AMDHD2: variants seen among roughly 807,000 people sequenced by gnomAD.
AMDHD2 encodes N-acetylglucosamine-6-phosphate deacetylase.
In AMDHD2, 24 loss-of-function variants were observed where a neutral mutation model predicts 41.8. That is an observed-to-expected ratio of 0.57 (90% CI 0.42 to 0.81). The LOEUF (loss-of-function observed/expected upper bound fraction) is 0.81. AMDHD2 is among the 30% of genes least tolerant of loss of function. AMDHD2 has a pLI of 0.00. For synonymous variants in AMDHD2, 332 were observed against 255.5 expected, an observed-to-expected ratio of 1.30 and a Z score of -2.85; for missense variants, 540 against 588.5, an observed-to-expected ratio of 0.92 and a Z score of 0.85.
chr16:2,522,376 C>T (rs1255998746), intron 3 of AMDHD2, among the ~76,000 whole-genome samples: 3 of 152,140 alleles, frequency 2.0e-5, no homozygotes, highest in East Asian at 1.9e-4. Context: ...TGCCACCACA[C>T]CCGACTAATT....
rs1231013156 is a variant in AMDHD2, at chr16:2,520,918, G to T, written c.220+13G>T. ...GTGCAGATCAACGGTGCGGCCCGGGGCCGGCAGGGGAACCCAGGGGAGGAG... is the reference window on the plus strand; with the variant it reads ...GTGCAGATCAACGGTGCGGCCCGGGTCCGGCAGGGGAACCCAGGGGAGGAG... On this transcript the variant is annotated intron_variant, in intron 2 of 10. Coordinates refer to ENST00000293971, the MANE Select transcript of AMDHD2 (RefSeq NM_001330449.2). 1 of 1,598,762 alleles carries T rather than the reference G, an allele frequency of 6.3e-7. No homozygotes were observed. The highest frequency in any genetic ancestry group is 1.7e-5 in the Admixed American group (1 of 58,864).
intron 1 of AMDHD2, 58 bp from the exon 2 acceptor site, chr16:2,520,711 C>G: frequency 7.0e-7 from 1 of 1,431,620 alleles, no homozygotes; most frequent in Non-Finnish European, 9.1e-7. Context: ...GGGCGGGGTG[C>G]AGGGTGCGGG....
At chr16:2,526,485 T>C (rs1013144550) in intron 3 of AMDHD2, among the ~76,000 whole-genome samples, 1 of 152,134 alleles carries the variant, frequency 6.6e-6, no homozygotes, top group African/African-American at 2.4e-5. Context: ...ACCCTACTTC[T>C]CAAGGCACCA....
intron 3 of AMDHD2, among the ~76,000 whole-genome samples, chr16:2,521,974 C>G (rs188403023): frequency 1.7e-3 from 264 of 151,874 alleles, no homozygotes; most frequent in African/African-American, 6.2e-3. Context: ...TTCGTAGAGA[C>G]GGGGTTTCAC....
chr16:2,520,555 G>A lies in AMDHD2; in HGVS notation c.83+14G>A. On this transcript the variant is annotated intron_variant, in intron 1 of 10. Coordinates refer to ENST00000293971, the MANE Select transcript of AMDHD2 (RefSeq NM_001330449.2). ...GAAACTGCTCAGGTGGGCGCGGGCC[G>A]GGGACTGCGGGGCTGGGGACCGGGC... 1 of 1,229,512 alleles carries A rather than the reference G, an allele frequency of 8.1e-7. No individual in the cohort carries two copies. The highest frequency in any genetic ancestry group is 1.0e-6 in the Non-Finnish European group (1 of 980,264). 76.2% of individuals were successfully genotyped at this position (1,229,512 alleles called of 1,614,324 possible).
At chr16:2,522,134 A>C (rs1054439570) in intron 3 of AMDHD2, among the ~76,000 whole-genome samples, 1 of 151,882 alleles carries the variant, frequency 6.6e-6, no homozygotes, top group African/African-American at 2.4e-5. Context: ...CCCAGGTTGG[A>C]GTAGAGTGGT....
chr16:2,522,339 C>A (rs955531601), intron 3 of AMDHD2, among the ~76,000 whole-genome samples: 3 of 152,186 alleles, frequency 2.0e-5, no homozygotes, highest in Admixed American at 6.5e-5. Context: ...GTCTTAGTCC[C>A]CCAGAGTAGC....
In AMDHD2 at chr16:2,530,404, C is replaced by T; in HGVS notation, c.*841C>T. ...CACACACCCATGTGGCAAACACGGG[C>T]CGTGAGGCTCCCTGAACAGCTTCGA... is the stretch of plus-strand genomic sequence containing the variant. On this transcript the variant is annotated 3_prime_UTR_variant, in exon 11 of 11. Coordinates refer to ENST00000293971, the MANE Select transcript of AMDHD2 (RefSeq NM_001330449.2). 1.9e-6 allele frequency: 3 copies of T among 1,614,194 alleles called. No homozygotes were observed. The highest frequency in any genetic ancestry group is 1.1e-5 in the South Asian group (1 of 91,086).
At chr16:2,523,759 C>T (rs1333333896) in intron 3 of AMDHD2, among the ~76,000 whole-genome samples, 2 of 152,326 alleles carry the variant, frequency 1.3e-5, no homozygotes, top group South Asian at 2.1e-4. Flanking sequence ...ACCTCTGCCC[C>T]ACCCCTACCG....
rs1421157686 is a variant in AMDHD2, at chr16:2,529,689, C to T, written c.*126C>T. On this transcript the variant is annotated 3_prime_UTR_variant, in exon 11 of 11. Coordinates refer to ENST00000293971, the MANE Select transcript of AMDHD2 (RefSeq NM_001330449.2). The stretch of plus-strand genomic sequence containing the variant: ...GATTGATGCCCAGGGCCTGTGCGGC[C>T]GCCCTGGAGGCGGTGGCTGGGATAA... 15 of 1,507,782 alleles carry T rather than the reference C, an allele frequency of 9.9e-6. No individual in the cohort carries two copies. In the African/African-American group the frequency reaches 1.1e-4, roughly 11 times the overall value. The allele number at this position is 1,507,782 out of a possible 1,614,324, so 93.4% of individuals were successfully genotyped here.
chr16:2,521,166 G>A, intron 3 of AMDHD2, 43 bp downstream of exon 3: 1 of 1,506,450 alleles, frequency 6.6e-7, no homozygotes, highest in Non-Finnish European at 8.9e-7. Flanking sequence ...GGCTCCCGGA[G>A]CAACCAGCGC....
chr16:2,530,474 A>G lies in AMDHD2; in HGVS notation c.*911A>G, dbSNP rs772798828. 23 of 1,614,036 alleles carry G rather than the reference A, an allele frequency of 1.4e-5. No individual in the cohort carries two copies. The highest frequency in any genetic ancestry group is 6.7e-5 in the African/African-American group (5 of 74,940). On this transcript the variant is annotated 3_prime_UTR_variant, in exon 11 of 11. Transcript: ENST00000293971. ...CCCTCTTGGCTCTGAGGACAGCCAC[A>G]GTGGGGTCAGACGTCAGGGATTGGT... is the stretch of plus-strand genomic sequence containing the variant.
chr16:2,531,020 G>A lies in AMDHD2; in HGVS notation c.*1457G>A. 2 of 1,605,930 alleles carry A rather than the reference G, an allele frequency of 1.2e-6. No homozygotes were observed. Among genetic ancestry groups the A allele is most frequent in the Non-Finnish European group, 1.7e-6 (2 of 1,173,824 alleles). ...TGAGGTTCTCAGCCGATGTGTTAGAGGTTGAGCATCGCCTGTGCCCAGCTT... is the reference window on the plus strand; with the variant it reads ...TGAGGTTCTCAGCCGATGTGTTAGAAGTTGAGCATCGCCTGTGCCCAGCTT... On this transcript the variant is annotated 3_prime_UTR_variant, in exon 11 of 11. Coordinates refer to ENST00000293971, the MANE Select transcript of AMDHD2 (RefSeq NM_001330449.2).
At position 2,530,795 on chromosome 16, in the gene AMDHD2, C is replaced by T. The variant is rs1467795657; in HGVS notation, c.*1232C>T. The T allele has an allele frequency of 1.9e-6, 3 of 1,613,602 alleles. No individual in the cohort carries two copies. The highest frequency in any genetic ancestry group is 2.7e-5 in the African/African-American group (2 of 74,928). ...GGGGCAGGGCACAAGGGGTTGATCT[C>T]AGCCCACAAGCCCCAGGGGCAGCCC... On this transcript the variant is annotated 3_prime_UTR_variant, in exon 11 of 11. Coordinates refer to ENST00000293971, the MANE Select transcript of AMDHD2 (RefSeq NM_001330449.2).
At chr16:2,523,190 AAG>A (rs2065963836) in intron 3 of AMDHD2, among the ~76,000 whole-genome samples, 1 of 152,134 alleles carries the variant, frequency 6.6e-6, no homozygotes. Context: ...ATGGAGCCAC[AAG>A]AGTTAGTGAG....
At chr16:2,522,154 G>T (rs2065949224) in intron 3 of AMDHD2, among the ~76,000 whole-genome samples, 1 of 152,138 alleles carries the variant, frequency 6.6e-6, no homozygotes, top group Non-Finnish European at 1.5e-5. Context: ...TGTGGTCATA[G>T]CCCATTGCAG....
In AMDHD2 at chr16:2,529,811, C is replaced by T. The variant is rs1366981102; in HGVS notation, c.*248C>T. The T allele has an allele frequency of 7.0e-7, 1 of 1,426,842 alleles. No individual in the cohort carries two copies. Among genetic ancestry groups the T allele is most frequent in the African/African-American group, 1.4e-5 (1 of 69,566 alleles). 88.4% of individuals were successfully genotyped at this position (1,426,842 alleles called of 1,614,324 possible). On this transcript the variant is annotated 3_prime_UTR_variant, in exon 11 of 11. Transcript: ENST00000293971. The stretch of plus-strand genomic sequence containing the variant: ...CCCTCCTGGAGAAGGCATTCACGGC[C>T]TGGGGTGGGATGGCTGGGCTGTAGT...
chr16:2,526,673 C>T (rs962884267), intron 3 of AMDHD2, among the ~76,000 whole-genome samples: 1 of 151,758 alleles, frequency 6.6e-6, no homozygotes, highest in Admixed American at 6.6e-5. Context: ...CATGGTGGCT[C>T]ACGCCTGTAA....
rs1347540332 is a variant in AMDHD2 at position 2,531,031 on chromosome 16, G to A, written c.*1468G>A. On this transcript the variant is annotated 3_prime_UTR_variant, in exon 11 of 11. Transcript: ENST00000293971. ...GCCGATGTGTTAGAGGTTGAGCATCGCCTGTGCCCAGCTTGCTGGCTGTCA... is the reference window on the plus strand; with the variant it reads ...GCCGATGTGTTAGAGGTTGAGCATCACCTGTGCCCAGCTTGCTGGCTGTCA... The A allele has an allele frequency of 1.2e-6, 2 of 1,600,316 alleles. No individual in the cohort carries two copies. The highest frequency in any genetic ancestry group is 1.7e-5 in the Admixed American group (1 of 59,712).
Sources: allele counts gnomAD v4.1 joint callset (sites outside exome capture counted in the v4.1 genomes callset), GRCh38; gene constraint gnomAD v4.1.1; transcripts MANE v1.5; gene names NCBI Gene and HGNC (gene_info 2026-07-23, HGNC 2026-07-21).